The following SOX5 variants were observed in gnomAD, a reference collection of about 807,000 sequenced individuals.
SOX5 encodes the protein transcription factor SOX-5.
Under a neutral mutation model 92.0 loss-of-function variants are expected in SOX5, and 9 were observed. The ratio of observed to expected loss-of-function variants is 0.10; its 90% confidence interval spans 0.06 to 0.17. The LOEUF (loss-of-function observed/expected upper bound fraction) is 0.17. Ranked by LOEUF, SOX5 falls within the 10% of genes least tolerant of loss-of-function variation. SOX5 has a pLI of 1.00. For missense variants in SOX5, 642 were observed against 944.5 expected, an observed-to-expected ratio of 0.68 and a Z score of 4.20; for synonymous variants, 344 against 336.3, an observed-to-expected ratio of 1.02 and a Z score of -0.25.
At chr12:23,655,986 T>C (rs1028137542) in intron 7 of SOX5, among the ~76,000 whole-genome samples, 1 of 151,438 alleles carries the variant, frequency 6.6e-6, no homozygotes, top group Non-Finnish European at 1.5e-5. Flanking sequence ...TATACAATAA[T>C]TTGACTTCTT....
intron 2 of SOX5, among the ~76,000 whole-genome samples, chr12:23,872,193 T>A (rs1249255904): frequency 7.4e-6 from 1 of 134,532 alleles, no homozygotes; most frequent in African/African-American, 2.8e-5. Flanking sequence ...TTTTTTTTTT[T>A]AGTAGAGAAG....
At chr12:23,996,539 A>C (rs1951048848) in intron 4 of SOX5, among the ~76,000 whole-genome samples, 1 of 152,242 alleles carries the variant, frequency 6.6e-6, no homozygotes, top group Admixed American at 6.5e-5. Flanking sequence ...CATAATAGAC[A>C]AAAGATGAAA....
intron 4 of SOX5, among the ~76,000 whole-genome samples, chr12:24,153,272 C>T (rs1052457312): frequency 5.3e-5 from 8 of 152,200 alleles, no homozygotes; most frequent in South Asian, 2.1e-4. Context: ...TGCCAGCCTG[C>T]GTGTGTCCTC....
intron 2 of SOX5, among the ~76,000 whole-genome samples, chr12:24,334,465 A>T (rs1951672553): frequency 6.6e-6 from 1 of 152,190 alleles, no homozygotes; most frequent in Admixed American, 6.5e-5. Flanking sequence ...TTCACTAAAA[A>T]TCAAAGAAGT....
intron 1 of SOX5, among the ~76,000 whole-genome samples, chr12:24,475,942 A>C (rs1243805130): frequency 1.3e-5 from 2 of 151,412 alleles, no homozygotes; most frequent in Non-Finnish European, 2.9e-5. Flanking sequence ...TGTTCATACC[A>C]CTGCAGTCTA....
intron 2 of SOX5, among the ~76,000 whole-genome samples, chr12:23,868,248 C>A (rs149840479): frequency 6.6e-6 from 1 of 152,032 alleles, no homozygotes; most frequent in Non-Finnish European, 1.5e-5. Flanking sequence ...GGCTCCACTT[C>A]GTATTTCTAG....
intron 2 of SOX5, among the ~76,000 whole-genome samples, chr12:23,860,704 AAAGG>A (rs1192214960): frequency 6.6e-6 from 1 of 152,162 alleles, no homozygotes; most frequent in African/African-American, 2.4e-5. Flanking sequence ...GTGAAAAAAT[AAAGG>A]CTGTAAAATA....
At chr12:24,164,271 C>T (rs1953122233) in intron 4 of SOX5, among the ~76,000 whole-genome samples, 1 of 152,066 alleles carries the variant, frequency 6.6e-6, no homozygotes, top group Non-Finnish European at 1.5e-5. Flanking sequence ...TTCAAACATA[C>T]ACATTTCAGA....
chr12:24,533,295 A>C (rs1951349956), intron 1 of SOX5, among the ~76,000 whole-genome samples: 1 of 152,198 alleles, frequency 6.6e-6, no homozygotes, highest in South Asian at 2.1e-4. Context: ...ATTAGAACTC[A>C]GAGATTCTCT....
At position 24,010,721 on chromosome 12, in the gene SOX5, G is replaced by A. The variant is rs535838217; in HGVS notation, c.-1-114697C>T. Among the ~76,000 whole-genome samples, 76 of 152,148 alleles carry A rather than the reference G, an allele frequency of 5.0e-4. 1 individual carries two copies. Among genetic ancestry groups the A allele is most frequent in the African/African-American group, 1.6e-3 (66 of 41,512 alleles). On this transcript the variant is annotated intron_variant, in intron 4 of 4. Transcript: ENST00000446891. ...AGGCCAAGGCAGGTGAATCACTTGCGGTCAGGGGCTCATGACCAGCTTGGC... is the reference window on the plus strand; with the variant it reads ...AGGCCAAGGCAGGTGAATCACTTGCAGTCAGGGGCTCATGACCAGCTTGGC...
rs547734766 is a variant in SOX5, at chr12:23,811,848, A to C, written c.481+34135T>G. Among the ~76,000 whole-genome samples, 7 of 152,160 alleles carry C rather than the reference A, an allele frequency of 4.6e-5. No individual in the cohort carries two copies. In the South Asian group the frequency reaches 8.3e-4, roughly 18 times the overall value. On this transcript the variant is annotated intron_variant, in intron 3 of 14. Transcript: ENST00000451604. ...TTAGAAGTAGTTAAAAATAAGCCTAATTTGTAATAAACCAGAAAGTCTTCC... is the reference window on the plus strand; with the variant it reads ...TTAGAAGTAGTTAAAAATAAGCCTACTTTGTAATAAACCAGAAAGTCTTCC...
At chr12:23,977,546 C>T (rs1437794278) in intron 4 of SOX5, among the ~76,000 whole-genome samples, 3 of 151,770 alleles carry the variant, frequency 2.0e-5, no homozygotes, top group Non-Finnish European at 4.4e-5. Context: ...GCCTGTTATC[C>T]CAGCTACTTG....
chr12:23,926,065 T>G (rs1419030470), intron 1 of SOX5, among the ~76,000 whole-genome samples: 1 of 152,078 alleles, frequency 6.6e-6, no homozygotes, highest in Non-Finnish European at 1.5e-5. Flanking sequence ...ATTTGATAGT[T>G]CCAGGACACT....
chr12:23,972,247 G>A (rs1309132768), intron 4 of SOX5, among the ~76,000 whole-genome samples: 1 of 152,174 alleles, frequency 6.6e-6, no homozygotes, highest in African/African-American at 2.4e-5. Context: ...GGAGTCAGAA[G>A]CTGAGCATAA....
intron 6 of SOX5, among the ~76,000 whole-genome samples, chr12:23,707,383 C>G (rs1478697493): frequency 6.6e-6 from 1 of 152,052 alleles, no homozygotes; most frequent in Non-Finnish European, 1.5e-5. Context: ...CTGTCGAGCC[C>G]CTTAGTCTTG....
intron 4 of SOX5, among the ~76,000 whole-genome samples, chr12:24,155,590 T>G (rs184756795): frequency 6.6e-6 from 1 of 152,258 alleles, no homozygotes; most frequent in African/African-American, 2.4e-5. Context: ...GCAGAAAAAC[T>G]TCTTTCCTTG....
At chr12:24,157,911 A>G (rs1444616221) in intron 4 of SOX5, among the ~76,000 whole-genome samples, 2 of 152,056 alleles carry the variant, frequency 1.3e-5, no homozygotes, top group Admixed American at 1.3e-4. Context: ...TGTTCTACAC[A>G]ATAGCCATGA....
chr12:23,867,742 C>T (rs921283223), intron 2 of SOX5, among the ~76,000 whole-genome samples: 1 of 150,786 alleles, frequency 6.6e-6, no homozygotes, highest in African/African-American at 2.4e-5. Flanking sequence ...ACTATGCCAC[C>T]AAAATGAACA....
chr12:23,580,564 T>C (rs1009167767), intron 9 of SOX5, among the ~76,000 whole-genome samples: 7 of 152,004 alleles, frequency 4.6e-5, no homozygotes, highest in African/African-American at 1.7e-4. Flanking sequence ...CATGTACACA[T>C]GGTACAAGAA....
Sources: allele counts gnomAD v4.1 joint callset (sites outside exome capture counted in the v4.1 genomes callset), GRCh38; gene constraint gnomAD v4.1.1; transcripts MANE v1.5; gene names NCBI Gene and HGNC (gene_info 2026-07-23, HGNC 2026-07-21).